Variants in LILRA5 observed in about 807,000 individuals in gnomAD.
LILRA5 encodes the protein leukocyte immunoglobulin-like receptor subfamily A member 5.
A neutral mutation model predicts 36.3 loss-of-function variants in LILRA5; 31 were observed. That is an observed-to-expected ratio of 0.85 (90% CI 0.64 to 1.15). The LOEUF (loss-of-function observed/expected upper bound fraction) is 1.15, where lower values mean the gene tolerates loss of function less well. Among genes scored for constraint, LILRA5 ranks in the 50% most tolerant of loss-of-function variants. LILRA5 has a pLI of 0.00. For synonymous variants in LILRA5, 144 were observed against 144.8 expected, an observed-to-expected ratio of 0.99 and a Z score of 0.04; for missense variants, 348 against 377.4, an observed-to-expected ratio of 0.92 and a Z score of 0.64.
At chr19:54,308,333 G>T (rs1362100387) in intron 5 of LILRA5, 3 of 35,874 alleles carry the variant, frequency 8.4e-5, no homozygotes, top group African/African-American at 4.8e-4. Context: ...GTGTGTGTGT[G>T]TGTATATATA....
rs2080935878 is a variant in LILRA5, at chr19:54,308,377, ATATATATAT to A, written c.713-638_713-630del. ...TAAATATATATATATATATATATAT[ATATATATAT>A]ATATATATATATATATATATATGGT... On this transcript the variant is annotated intron_variant, in intron 5 of 6. Transcript: ENST00000432233. 261 of 65,454 alleles carry A rather than the reference ATATATATAT, an allele frequency of 4.0e-3. 8 individuals carry two copies. Among genetic ancestry groups the A allele is most frequent in the Non-Finnish European group, 5.7e-3 (214 of 37,466 alleles). The allele number at this position is 65,454 out of a possible 1,614,324, so 4.1% of individuals were successfully genotyped here. A position where few individuals can be genotyped will look rare whatever the true frequency, so the allele number is the denominator to read the frequency against.
At chr19:54,307,620 C>T in intron 6 of LILRA5, 71 bp from the exon 7 acceptor site, 1 of 1,610,952 alleles carries the variant, frequency 6.2e-7, no homozygotes, top group East Asian at 2.2e-5. Context: ...CTGGATGTCT[C>T]CCCAGGGCAC....
Position 54,311,719 on chromosome 19 carries a change from A to T in LILRA5, c.410-3T>A, listed in dbSNP as rs765351679. ...GAGGGTGGGTTTGTTGTAGAATCCT[A>T]GGAGAGAAGGAGGCACCGTGTTAAA... On this transcript the variant is annotated splice_polypyrimidine_tract_variant and splice_region_variant and intron_variant, in intron 4 of 6. Coordinates refer to ENST00000432233, the MANE Select transcript of LILRA5 (RefSeq NM_021250.4). The T allele has an allele frequency of 6.2e-7, 1 of 1,611,364 alleles. No homozygotes were observed. Among genetic ancestry groups the T allele is most frequent in the Non-Finnish European group, 8.5e-7 (1 of 1,177,808 alleles).
intron 5 of LILRA5, chr19:54,310,952 C>CT: frequency 4.6e-6 from 1 of 219,298 alleles, no homozygotes. Context: ...CTCTGTTTTT[C>CT]TTTTTCTTTT....
At chr19:54,307,795 T>C in intron 5 of LILRA5, 47 bp from the exon 6 acceptor site, 1 of 1,539,380 alleles carries the variant, frequency 6.5e-7, no homozygotes, top group Non-Finnish European at 9.0e-7. Flanking sequence ...CTTGAAGCAA[T>C]CTGAGCCCAG....
At chr19:54,308,447 G>A (rs2080942389) in intron 5 of LILRA5, 1 of 139,050 alleles carries the variant, frequency 7.2e-6, no homozygotes, top group Admixed American at 7.6e-5. Context: ...CTGCTTTTAG[G>A]GCCAGGCGTG....
rs2147856439 is a variant in LILRA5 at position 54,312,089 on chromosome 19, A to G, written c.184T>C (p.Ser62Pro). 1 of 1,614,110 alleles carries G rather than the reference A, an allele frequency of 6.2e-7. No individual in the cohort carries two copies. Among genetic ancestry groups the G allele is most frequent in the Non-Finnish European group, 8.5e-7 (1 of 1,180,004 alleles). Reference sequence around the variant, plus strand: ...GTCCCCTGACACCGGATGGTCACAGAGTTCCCCCGGCTGATCACAGAGCCT... The same window carrying G: ...GTCCCCTGACACCGGATGGTCACAGGGTTCCCCCGGCTGATCACAGAGCCT... ...EPGSVISRGN[S>P]VTIRCQGTLE... Residue 62 changes from serine (S) to proline (P), a missense_variant, in exon 4 of 7, where the codon TCT (serine) becomes CCT (proline). By Grantham distance (74) the Ser-to-Pro change is moderately conservative. Coordinates refer to ENST00000432233, the MANE Select transcript of LILRA5 (RefSeq NM_021250.4).
At chr19:54,312,283 C>T (rs1303076703) in intron 3 of LILRA5, 52 bp downstream of exon 3, 9 of 1,613,990 alleles carry the variant, frequency 5.6e-6, no homozygotes, top group Admixed American at 3.3e-5. Context: ...CATGGGTGGC[C>T]CTTTGTCCCC....
In LILRA5 at chr19:54,311,625, T is replaced by C. The variant is rs201867542; in HGVS notation, c.501A>G (p.Arg167=). 64 of 1,614,114 alleles carry C rather than the reference T, an allele frequency of 4.0e-5. No individual in the cohort carries two copies. The Middle Eastern group carries it at 4.9e-4, about 12-fold the overall frequency. The change falls in exon 5 of 7, where the codon AGA becomes AGG. Residue 167 remains arginine, a synonymous_variant. Transcript: ENST00000432233. The part of the protein sequence containing the change: ...NVTLQCGSRL[R]FDRFILTEEG... Reference sequence around the variant, plus strand: ...CCTCAGTCAGAATGAACCTGTCGAATCTCAGCCGTGAGCCACACTGGAGGG... The same window carrying C: ...CCTCAGTCAGAATGAACCTGTCGAACCTCAGCCGTGAGCCACACTGGAGGG...
In LILRA5 at chr19:54,308,394, T is replaced by C. The variant is rs927108474; in HGVS notation, c.713-646A>G. On this transcript the variant is annotated intron_variant, in intron 5 of 6. Transcript: ENST00000432233. ...ATATATATATATATATATATATATA[T>C]ATATATATATATATGGTGTTACAGA... 2.2e-4 allele frequency: 21 copies of C among 93,820 alleles called. No homozygotes were observed. In the East Asian group the frequency reaches 2.8e-3, roughly 13 times the overall value. 5.8% of individuals were successfully genotyped at this position (93,820 alleles called of 1,614,324 possible).
intron 5 of LILRA5, chr19:54,310,049 C>A (rs755818617): frequency 6.1e-5 from 19 of 309,754 alleles, no homozygotes; most frequent in Non-Finnish European, 9.5e-5. Flanking sequence ...TCATCACCGT[C>A]AGATCCCACC....
At chr19:54,311,838 G>C in intron 4 of LILRA5, 26 bp downstream of exon 4, 1 of 1,614,130 alleles carries the variant, frequency 6.2e-7, no homozygotes, top group South Asian at 1.1e-5. Context: ...AGAGCCTGGA[G>C]CTGGGACCCC....
Position 54,307,421 on chromosome 19 carries a change from C to T in LILRA5, c.892G>A (p.Gly298Arg). ...HSQRSPQAAA[G>R]R The stretch of plus-strand genomic sequence containing the variant: ...ATTGTTCTCTCTTCTGTTCACCTTC[C>T]AGCTGCAGCTTGGGGGCTTCTCTGG... The change falls in exon 7 of 7, where the codon GGA becomes AGA. Residue 298 changes from glycine to arginine, a missense_variant. Transcript: ENST00000432233. The T allele has an allele frequency of 3.1e-6, 5 of 1,610,512 alleles. No homozygotes were observed. Among genetic ancestry groups the T allele is most frequent in the Non-Finnish European group, 4.2e-6 (5 of 1,178,106 alleles).
Position 54,312,600 on chromosome 19 carries a change from C to T in LILRA5, c.25G>A (p.Ala9Thr). Residue 9 changes from alanine (A) to threonine (T), a missense_variant, in exon 2 of 7, where the codon GCA becomes ACA. By Grantham distance (58) the Ala-to-Thr change is moderately conservative. Coordinates refer to ENST00000432233, the MANE Select transcript of LILRA5 (RefSeq NM_021250.4). Reference sequence around the variant, plus strand: ...TCTCCTCCCACTGGCTGCAGCTGTGCAGATGGATGAGACCATGGTGCCTGG... The same window carrying T: ...TCTCCTCCCACTGGCTGCAGCTGTGTAGATGGATGAGACCATGGTGCCTGG... The part of the protein sequence containing the change: MAPWSHPS[A>T]QLQPVGGDAV... 1 of 1,614,182 alleles carries T rather than the reference C, an allele frequency of 6.2e-7. No homozygotes were observed. The highest frequency in any genetic ancestry group is 1.1e-5 in the South Asian group (1 of 91,080).
chr19:54,308,243 A>T, intron 5 of LILRA5: 1 of 168,332 alleles, frequency 5.9e-6, no homozygotes, highest in Non-Finnish European at 1.3e-5. Flanking sequence ...CTGGTGTTTC[A>T]TCATACAATA....
chr19:54,311,344 T>C, intron 5 of LILRA5, 70 bp downstream of exon 5: 2 of 1,613,764 alleles, frequency 1.2e-6, no homozygotes, highest in Non-Finnish European at 1.7e-6. Context: ...GGGGCTGCCC[T>C]GCCTGTAAAG....
intron 5 of LILRA5, 94 bp downstream of exon 5, chr19:54,311,320 T>G: frequency 6.2e-7 from 1 of 1,611,278 alleles, no homozygotes; most frequent in East Asian, 2.2e-5. Flanking sequence ...TTCCCCTTTT[T>G]GTCTTTCTTA....
At chr19:54,308,029 C>T (rs1168474643) in intron 5 of LILRA5, 1 of 461,510 alleles carries the variant, frequency 2.2e-6, no homozygotes, top group East Asian at 3.8e-5. Context: ...AGGAAAGTGG[C>T]CCCCAGAAGT....
rs10573769 is a variant in LILRA5 at position 54,307,242 on chromosome 19, CAAAAAAAAAA to C, written c.*161_*170del. 7 of 115,730 alleles carry C rather than the reference CAAAAAAAAAA, an allele frequency of 6.0e-5. No individual in the cohort carries two copies. Among genetic ancestry groups the C allele is most frequent in the South Asian group, 2.0e-4 (1 of 5,124 alleles). The allele number at this position is 115,730 out of a possible 1,614,324, so 7.2% of individuals were successfully genotyped here. ...CTGGTGACAGAGCAAGACTCCATCTCAAAAAAAAAAAAAAAAAAAAAAAAGAAAGAAAAGA... is the reference window on the plus strand; with the variant it reads ...CTGGTGACAGAGCAAGACTCCATCTCAAAAAAAAAAAAAAGAAAGAAAAGA... On this transcript the variant is annotated 3_prime_UTR_variant, in exon 7 of 7. Coordinates refer to ENST00000432233, the MANE Select transcript of LILRA5 (RefSeq NM_021250.4).
Sources: allele counts gnomAD v4.1 joint callset, GRCh38; gene constraint gnomAD v4.1.1; transcripts MANE v1.5; gene names NCBI Gene and HGNC (gene_info 2026-07-23, HGNC 2026-07-21).